GRIN2A: variants seen among roughly 807,000 people sequenced by gnomAD.
The protein encoded by GRIN2A is glutamate ionotropic receptor NMDA type subunit 2A.
In GRIN2A, 22 loss-of-function variants were observed where a neutral mutation model predicts 113.4. The observed-to-expected ratio is 0.19, with a 90% CI of 0.14 to 0.28. The LOEUF (loss-of-function observed/expected upper bound fraction) is 0.28, where lower values mean the gene tolerates loss of function less well. GRIN2A is among the 10% of genes least tolerant of loss of function. The pLI is 1.00. For synonymous variants in GRIN2A, 827 were observed against 738.4 expected, an observed-to-expected ratio of 1.12 and a Z score of -1.94; for missense variants, 1,502 against 1,887.0, an observed-to-expected ratio of 0.80 and a Z score of 3.78.
intron 2 of GRIN2A, among the ~76,000 whole-genome samples, chr16:9,958,098 T>C (rs2045347410): frequency 6.6e-6 from 1 of 152,216 alleles, no homozygotes; most frequent in Non-Finnish European, 1.5e-5. Flanking sequence ...AGCTTCTCTG[T>C]GCCTGCCTTC....
intron 11 of GRIN2A, among the ~76,000 whole-genome samples, chr16:9,789,322 G>A (rs1050959339): frequency 6.6e-6 from 1 of 152,098 alleles, no homozygotes; most frequent in African/African-American, 2.4e-5. Context: ...ACAGATTTCA[G>A]CCTCATGGTA....
chr16:9,908,409 C>T (rs1567169430), intron 3 of GRIN2A, among the ~76,000 whole-genome samples: 1 of 151,480 alleles, frequency 6.6e-6, no homozygotes, highest in African/African-American at 2.4e-5. Flanking sequence ...AAGAATATAG[C>T]TTTTTTTTCT....
chr16:10,164,141 G>C (rs2049858993), intron 2 of GRIN2A, among the ~76,000 whole-genome samples: 1 of 152,154 alleles, frequency 6.6e-6, no homozygotes, highest in Admixed American at 6.5e-5. Context: ...CTCTCTCCGG[G>C]GTAGGGGCAA....
At chr16:9,776,278 A>ATT (rs34371083) in intron 11 of GRIN2A, among the ~76,000 whole-genome samples, 23 of 129,622 alleles carry the variant, frequency 1.8e-4, no homozygotes, top group Non-Finnish European at 2.6e-4. Context: ...AACATCCTGG[A>ATT]TTTTTTTTTT....
At chr16:9,891,806 G>C (rs565299806) in intron 3 of GRIN2A, among the ~76,000 whole-genome samples, 13 of 152,302 alleles carry the variant, frequency 8.5e-5, no homozygotes, top group African/African-American at 2.9e-4. Flanking sequence ...GTGCATACCA[G>C]GAACTGAATG....
intron 2 of GRIN2A, among the ~76,000 whole-genome samples, chr16:10,086,633 A>C (rs1031179200): frequency 6.6e-6 from 1 of 151,260 alleles, no homozygotes; most frequent in Non-Finnish European, 1.5e-5. Context: ...AAAAGGAAAC[A>C]GAGAAAAAAA....
At chr16:10,023,057 A>G (rs540705981) in intron 2 of GRIN2A, among the ~76,000 whole-genome samples, 9 of 152,322 alleles carry the variant, frequency 5.9e-5, no homozygotes, top group African/African-American at 2.2e-4. Flanking sequence ...AAACAACCCG[A>G]GATGATCAGC....
chr16:9,836,070 A>G (rs931042060), intron 7 of GRIN2A, among the ~76,000 whole-genome samples: 2 of 152,230 alleles, frequency 1.3e-5, no homozygotes, highest in African/African-American at 4.8e-5. Context: ...AGTTGTATCC[A>G]AAAAGGAAAT....
intron 2 of GRIN2A, among the ~76,000 whole-genome samples, chr16:10,126,282 G>C (rs1010763328): frequency 6.6e-6 from 1 of 151,740 alleles, no homozygotes; most frequent in African/African-American, 2.4e-5. Context: ...CCTGCCTCAG[G>C]CTTCCAAGAA....
At chr16:10,026,018 G>C (rs1316224114) in intron 2 of GRIN2A, among the ~76,000 whole-genome samples, 1 of 152,144 alleles carries the variant, frequency 6.6e-6, no homozygotes, top group Admixed American at 6.5e-5. Context: ...ACACAATACT[G>C]TCTGGCTACA....
chr16:9,839,942 T>C (rs1411943977), intron 7 of GRIN2A, among the ~76,000 whole-genome samples: 2 of 151,744 alleles, frequency 1.3e-5, no homozygotes, highest in African/African-American at 2.4e-5. Flanking sequence ...CTGGCCAACA[T>C]GGCGAAACCC....
intron 2 of GRIN2A, among the ~76,000 whole-genome samples, chr16:10,146,304 C>T (rs1250330457): frequency 2.0e-5 from 3 of 152,044 alleles, no homozygotes; most frequent in Non-Finnish European, 4.4e-5. Flanking sequence ...TTTTAGCAGA[C>T]ACAGGGTTTT....
In GRIN2A at chr16:9,829,496, T is replaced by C; in HGVS notation, c.1934A>G (p.Tyr645Cys). The C allele has an allele frequency of 6.2e-7, 1 of 1,614,050 alleles. No individual in the cohort carries two copies. Among genetic ancestry groups the C allele is most frequent in the Non-Finnish European group, 8.5e-7 (1 of 1,179,952 alleles). Residue 645 changes from tyrosine to cysteine, a missense_variant, in exon 9 of 13, where the codon TAC becomes TGC. Physicochemically the swap from Tyr to Cys is radical, Grantham distance 194. Transcript: ENST00000330684. ...AFFAVIFLAS[Y>C]TANLAAFMIQ... ...CATGAAGGCAGCCAGATTGGCTGTG[T>C]AGCTAGCCAGGAATATGACAGCGAA...
chr16:10,019,190 G>A (rs2046668803), intron 2 of GRIN2A, among the ~76,000 whole-genome samples: 1 of 151,966 alleles, frequency 6.6e-6, no homozygotes. Flanking sequence ...AGTAAAATAA[G>A]GACACTAACA....
chr16:9,895,568 A>G (rs1454014040), intron 3 of GRIN2A, among the ~76,000 whole-genome samples: 1 of 152,238 alleles, frequency 6.6e-6, no homozygotes, highest in Admixed American at 6.5e-5. Context: ...GAGGCTTTGT[A>G]GTAACGCAAG....
chr16:9,873,434 C>T (rs2043303402), intron 4 of GRIN2A, among the ~76,000 whole-genome samples: 1 of 152,134 alleles, frequency 6.6e-6, no homozygotes, highest in East Asian at 1.9e-4. Context: ...GGTGCAGTGG[C>T]TCATGCCTGT....
chr16:9,775,464 C>G (rs1901537125), intron 11 of GRIN2A, among the ~76,000 whole-genome samples: 1 of 152,136 alleles, frequency 6.6e-6, no homozygotes, highest in South Asian at 2.1e-4. Flanking sequence ...AGATGAATTA[C>G]AGATAGTCTT....
At chr16:10,017,770 G>T (rs2046638094) in intron 2 of GRIN2A, among the ~76,000 whole-genome samples, 1 of 152,056 alleles carries the variant, frequency 6.6e-6, no homozygotes, top group African/African-American at 2.4e-5. Context: ...CATCAGTCAA[G>T]ATAAGTAATA....
chr16:10,004,004 C>T (rs1596407249), intron 2 of GRIN2A, among the ~76,000 whole-genome samples: 1 of 152,044 alleles, frequency 6.6e-6, no homozygotes, highest in African/African-American at 2.4e-5. Flanking sequence ...TGTCCTGGTT[C>T]CCTGTGTGTG....
Sources: allele counts gnomAD v4.1 joint callset (sites outside exome capture counted in the v4.1 genomes callset), GRCh38; gene constraint gnomAD v4.1.1; transcripts MANE v1.5; gene names NCBI Gene and HGNC (gene_info 2026-07-23, HGNC 2026-07-21).